Variants in CCSER1 observed in about 807,000 individuals in gnomAD.
The protein encoded by CCSER1 is serine-rich coiled-coil domain-containing protein 1.
In CCSER1, 41 loss-of-function variants were observed where a neutral mutation model predicts 82.0. The observed-to-expected ratio is 0.50, with a 90% confidence interval of 0.39 to 0.65. CCSER1 has a LOEUF of 0.65. CCSER1 is among the 30% of genes least tolerant of loss of function. CCSER1 has a pLI of 0.00. For missense variants in CCSER1, 1,119 were observed against 1,064.2 expected, an observed-to-expected ratio of 1.05 and a Z score of -0.72; for synonymous variants, 414 against 383.9, an observed-to-expected ratio of 1.08 and a Z score of -0.92.
chr4:91,053,442 T>G (rs2148714514), intron 9 of CCSER1, among the ~76,000 whole-genome samples: 1 of 152,318 alleles, frequency 6.6e-6, no homozygotes, highest in Admixed American at 6.5e-5. Flanking sequence ...ACCTAAGTAT[T>G]CCTGGCTGGT....
rs1366873131 is a variant in CCSER1 at position 91,216,321 on chromosome 4, C to T, written c.2217+130327C>T. The stretch of plus-strand genomic sequence containing the variant: ...AAGTAGGGAAACACTGACTTTATAG[C>T]ATTTTTTTGTTTGTTTGAGACAGAG... On this transcript the variant is annotated intron_variant, in intron 10 of 10. Coordinates refer to ENST00000509176, the MANE Select transcript of CCSER1 (RefSeq NM_001145065.2). 2.0e-5 allele frequency among the ~76,000 whole-genome samples: 3 copies of T among 152,072 alleles called. No homozygotes were observed. The East Asian group carries it at 5.8e-4, about 29-fold the overall frequency.
rs1279973522 is a variant in CCSER1 at position 91,601,956 on chromosome 4, A to G, written c.*2899A>G. On this transcript the variant is annotated 3_prime_UTR_variant, in exon 11 of 11. Coordinates refer to ENST00000509176, the MANE Select transcript of CCSER1 (RefSeq NM_001145065.2). Reference sequence around the variant, plus strand: ...ATTTTTTTCCATAAAATTATATGCTAAGAGAGTCACCACAAAACTATGAAT... The same window carrying G: ...ATTTTTTTCCATAAAATTATATGCTGAGAGAGTCACCACAAAACTATGAAT... 2 of 152,040 alleles carry G rather than the reference A, an allele frequency of 1.3e-5. No individual in the cohort carries two copies. The highest frequency in any genetic ancestry group is 3.8e-4 in the East Asian group (2 of 5,196). 9.4% of individuals were successfully genotyped at this position (152,040 alleles called of 1,614,324 possible).
chr4:91,227,803 A>G (rs1738322572), intron 10 of CCSER1, among the ~76,000 whole-genome samples: 1 of 151,972 alleles, frequency 6.6e-6, no homozygotes, highest in Non-Finnish European at 1.5e-5. Flanking sequence ...ATTACCAAAT[A>G]GGGTCCATGA....
At chr4:91,155,195 C>G (rs551515334) in intron 10 of CCSER1, among the ~76,000 whole-genome samples, 1 of 151,822 alleles carries the variant, frequency 6.6e-6, no homozygotes, top group African/African-American at 2.4e-5. Context: ...GTAATAATCC[C>G]CACGTTTCAT....
chr4:90,703,359 C>A (rs1247439581), intron 6 of CCSER1, among the ~76,000 whole-genome samples: 4 of 152,118 alleles, frequency 2.6e-5, no homozygotes, highest in Non-Finnish European at 4.4e-5. Flanking sequence ...AATTTCTGTT[C>A]TTTTCCATTT....
chr4:91,076,710 A>T (rs543685345), intron 9 of CCSER1, among the ~76,000 whole-genome samples: 1 of 152,278 alleles, frequency 6.6e-6, no homozygotes, highest in Admixed American at 6.5e-5. Flanking sequence ...TCCAGCTTTC[A>T]TTGCTAGAAA....
intron 3 of CCSER1, among the ~76,000 whole-genome samples, chr4:90,333,360 G>A (rs970806236): frequency 1.3e-4 from 20 of 151,906 alleles, no homozygotes; most frequent in African/African-American, 4.4e-4. Flanking sequence ...AAAGAACATA[G>A]CACTAACCAG....
At chr4:90,693,586 G>A (rs1193777461) in intron 6 of CCSER1, 2 of 151,952 alleles carry the variant, frequency 1.3e-5, no homozygotes. Flanking sequence ...TTGGAAAGGT[G>A]TCCTATTGAT....
intron 4 of CCSER1, among the ~76,000 whole-genome samples, chr4:90,425,777 G>A (rs1757437149): frequency 6.6e-6 from 1 of 152,076 alleles, no homozygotes; most frequent in African/African-American, 2.4e-5. Flanking sequence ...AGCTTACAAA[G>A]TTCTCAAGCT....
intron 10 of CCSER1, among the ~76,000 whole-genome samples, chr4:91,140,047 A>G (rs6532279): frequency 0.67 from 101,731 of 151,958 alleles, 35,506 homozygotes; most frequent in Non-Finnish European, 0.78. Context: ...ATGCACAGAA[A>G]TAATGAAAAA....
At chr4:90,281,785 A>G (rs1728916506) in intron 1 of CCSER1, among the ~76,000 whole-genome samples, 1 of 152,084 alleles carries the variant, frequency 6.6e-6, no homozygotes, top group Non-Finnish European at 1.5e-5. Flanking sequence ...GTACTCATTT[A>G]CATTTGCAAT....
At chr4:91,572,823 A>G (rs576915229) in intron 10 of CCSER1, among the ~76,000 whole-genome samples, 217 of 152,066 alleles carry the variant, frequency 1.4e-3, no homozygotes, top group African/African-American at 4.9e-3. Context: ...AAAAAAAAAA[A>G]AAGAAGAAGC....
intron 10 of CCSER1, among the ~76,000 whole-genome samples, chr4:91,438,777 A>G (rs887185127): frequency 6.6e-6 from 1 of 152,224 alleles, no homozygotes; most frequent in Non-Finnish European, 1.5e-5. Context: ...AATACAGAGA[A>G]GTGCTTAAAG....
chr4:91,000,214 GTATAGGTATAGTATA>G (rs74662511), intron 9 of CCSER1, among the ~76,000 whole-genome samples: 7,860 of 139,870 alleles, frequency 0.056, 278 homozygotes, highest in Non-Finnish European at 0.073. Context: ...GTATAGTATA[GTATAGGTATAGTATA>G]GTATAGTATA....
At chr4:90,891,310 A>T (rs1048799360) in intron 8 of CCSER1, among the ~76,000 whole-genome samples, 1 of 151,728 alleles carries the variant, frequency 6.6e-6, no homozygotes, top group Admixed American at 6.6e-5. Flanking sequence ...AATCAAATAT[A>T]TTTATATAAT....
chr4:91,106,022 A>T (rs2148862149), intron 10 of CCSER1, among the ~76,000 whole-genome samples: 1 of 152,348 alleles, frequency 6.6e-6, no homozygotes. Flanking sequence ...TGATAATCAA[A>T]GTAATTCTGA....
chr4:91,336,928 C>T (rs192944975), intron 10 of CCSER1, among the ~76,000 whole-genome samples: 4 of 152,062 alleles, frequency 2.6e-5, no homozygotes, highest in Admixed American at 2.6e-4. Flanking sequence ...ATAAATACAT[C>T]CCCTTATAAT....
At chr4:91,198,613 G>A (rs1560510449) in intron 10 of CCSER1, among the ~76,000 whole-genome samples, 1 of 152,062 alleles carries the variant, frequency 6.6e-6, no homozygotes, top group Non-Finnish European at 1.5e-5. Context: ...TAATCATAGA[G>A]CTGCATGATC....
chr4:91,152,772 T>G (rs1432993687), intron 10 of CCSER1, among the ~76,000 whole-genome samples: 1 of 148,820 alleles, frequency 6.7e-6, no homozygotes, highest in Non-Finnish European at 1.5e-5. Flanking sequence ...TCTCCTTCCC[T>G]TATGAAGCTT....
Sources: allele counts gnomAD v4.1 joint callset (sites outside exome capture counted in the v4.1 genomes callset), GRCh38; gene constraint gnomAD v4.1.1; transcripts MANE v1.5; gene names NCBI Gene and HGNC (gene_info 2026-07-23, HGNC 2026-07-21).